PTGFRN: variants seen among roughly 807,000 people sequenced by gnomAD.
PTGFRN encodes prostaglandin F2 receptor negative regulator.
In PTGFRN, 35 loss-of-function variants were observed where a neutral mutation model predicts 83.2. The observed-to-expected ratio is 0.42, with a 90% confidence interval of 0.32 to 0.56. PTGFRN has a LOEUF of 0.56. Ranked by LOEUF, PTGFRN falls within the 20% of genes least tolerant of loss-of-function variation. The pLI is 0.11. For missense variants in PTGFRN, 1,051 were observed against 1,179.5 expected (o/e 0.89, Z 1.60); for synonymous variants, 519 against 498.6 (o/e 1.04, Z -0.55).
chr1:116,921,688 T>C (rs1334022007), intron 1 of PTGFRN, among the ~76,000 whole-genome samples: 2 of 152,150 alleles, frequency 1.3e-5, no homozygotes, highest in Non-Finnish European at 2.9e-5. Flanking sequence ...GTTTCTGACA[T>C]TGTGCAAGAT....
intron 4 of PTGFRN, among the ~76,000 whole-genome samples, chr1:116,955,437 T>C (rs1650462582): frequency 6.6e-6 from 1 of 152,150 alleles, no homozygotes; most frequent in African/African-American, 2.4e-5. Flanking sequence ...TTATTTTATC[T>C]CTCTTCCCTA....
chr1:116,968,590 T>G (rs1440249771), intron 6 of PTGFRN, among the ~76,000 whole-genome samples: 2 of 152,148 alleles, frequency 1.3e-5, no homozygotes, highest in African/African-American at 4.8e-5. Context: ...ATATAGAGTG[T>G]ACAATTTAGT....
intron 7 of PTGFRN, among the ~76,000 whole-genome samples, chr1:116,977,691 A>G (rs1161100396): frequency 1.3e-5 from 2 of 152,216 alleles, no homozygotes; most frequent in East Asian, 3.8e-4. Flanking sequence ...AAGACACAAC[A>G]TACCAGAATC....
At chr1:116,950,702 GAC>G (rs1650321570) in intron 4 of PTGFRN, among the ~76,000 whole-genome samples, 1 of 152,080 alleles carries the variant, frequency 6.6e-6, no homozygotes, top group Non-Finnish European at 1.5e-5. Context: ...GGCCAGTGGA[GAC>G]AGAGGGGGCA....
At chr1:116,934,486 C>G (rs2767343) in intron 1 of PTGFRN, among the ~76,000 whole-genome samples, 17,285 of 152,080 alleles carry the variant, frequency 0.11, 1,414 homozygotes, top group African/African-American at 0.23. Context: ...GCTGCCAAAC[C>G]TATTTATTGA....
At position 116,934,154 on chromosome 1, in the gene PTGFRN, G is replaced by GT. The variant is rs1263632416; in HGVS notation, c.50-7552dup. Among the ~76,000 whole-genome samples, 63 of 150,544 alleles carry GT rather than the reference G, an allele frequency of 4.2e-4. 1 individual carries two copies. The Middle Eastern group carries it at 0.01, about 25-fold the overall frequency. ...TTTGTTTTGTTTTTGTGATTGTTTT[G>GT]TTTTTTTTTGAGACAGGGTCTTACT... On this transcript the variant is annotated intron_variant, in intron 1 of 8. Transcript: ENST00000393203.
chr1:116,910,479 C>T (rs1345930678), intron 1 of PTGFRN, among the ~76,000 whole-genome samples: 1 of 151,518 alleles, frequency 6.6e-6, no homozygotes, highest in African/African-American at 2.4e-5. Flanking sequence ...TGCAAGTGGC[C>T]GCTCCGCCAG....
intron 1 of PTGFRN, among the ~76,000 whole-genome samples, chr1:116,925,507 G>A (rs1649637092): frequency 1.3e-5 from 2 of 152,120 alleles, no homozygotes; most frequent in African/African-American, 4.8e-5. Flanking sequence ...TTTGCAGCTA[G>A]TGTGGAGGGT....
chr1:116,989,740 CTGTTGAGA>C lies in PTGFRN; in HGVS notation c.*2778_*2785del, dbSNP rs1170676265. On this transcript the variant is annotated 3_prime_UTR_variant, in exon 9 of 9. Coordinates refer to ENST00000393203, the MANE Select transcript of PTGFRN (RefSeq NM_020440.4). ...AAAATGCAAATCGACTTTTTAACAA[CTGTTGAGA>C]TGTTTCATGGGACAGTAGAACTCTG... is the stretch of plus-strand genomic sequence containing the variant. 6.6e-6 allele frequency: 1 copy of C among 152,600 alleles called. No homozygotes were observed. Among genetic ancestry groups the C allele is most frequent in the African/African-American group, 2.4e-5 (1 of 41,438 alleles). 9.5% of individuals were successfully genotyped at this position (152,600 alleles called of 1,614,324 possible). A position where few individuals can be genotyped will look rare whatever the true frequency, so the allele number is the denominator to read the frequency against.
chr1:116,910,358 G>A (rs1315375747), intron 1 of PTGFRN, 106 bp downstream of exon 1: 6 of 1,046,262 alleles, frequency 5.7e-6, no homozygotes, highest in Non-Finnish European at 7.2e-6. Flanking sequence ...AGGGTGCCCG[G>A]GCTGCTCCCG....
At chr1:116,924,329 T>G (rs1649604751) in intron 1 of PTGFRN, among the ~76,000 whole-genome samples, 1 of 151,662 alleles carries the variant, frequency 6.6e-6, no homozygotes, top group South Asian at 2.1e-4. Context: ...GTATTTCTAG[T>G]AGAGATGGGG....
chr1:116,947,572 A>G (rs1051370427), intron 3 of PTGFRN, among the ~76,000 whole-genome samples: 2 of 152,262 alleles, frequency 1.3e-5, no homozygotes, highest in African/African-American at 2.4e-5. Flanking sequence ...ATCCCTGCCA[A>G]TATTTTCTGA....
At chr1:116,954,323 T>A in intron 4 of PTGFRN, among the ~76,000 whole-genome samples, 1 of 152,060 alleles carries the variant, frequency 6.6e-6, no homozygotes, top group Non-Finnish European at 1.5e-5. Flanking sequence ...AGCTCCTTAT[T>A]TGTAGCCTTC....
At chr1:116,932,862 A>AC (rs1557960900) in intron 1 of PTGFRN, among the ~76,000 whole-genome samples, 1 of 152,228 alleles carries the variant, frequency 6.6e-6, no homozygotes, top group Non-Finnish European at 1.5e-5. Context: ...CTTATGCTGC[A>AC]CTATCAAGTT....
intron 4 of PTGFRN, among the ~76,000 whole-genome samples, chr1:116,955,082 T>A (rs1361078827): frequency 6.6e-6 from 1 of 152,194 alleles, no homozygotes; most frequent in East Asian, 1.9e-4. Flanking sequence ...AATTAGCCAG[T>A]GATTCTGAAG....
intron 7 of PTGFRN, 77 bp from the exon 8 acceptor site, chr1:116,984,603 C>T (rs949020418): frequency 7.0e-7 from 1 of 1,427,830 alleles, no homozygotes; most frequent in East Asian, 2.3e-5. Flanking sequence ...TAGTAAGGGC[C>T]TCATACATGG....
intron 6 of PTGFRN, among the ~76,000 whole-genome samples, chr1:116,970,566 A>G (rs1199157265): frequency 1.3e-5 from 2 of 152,186 alleles, no homozygotes; most frequent in African/African-American, 4.8e-5. Flanking sequence ...TGTTGAGTCT[A>G]TTCCTCAGTT....
intron 7 of PTGFRN, among the ~76,000 whole-genome samples, chr1:116,974,900 C>T (rs1383504847): frequency 2.0e-5 from 3 of 152,124 alleles, no homozygotes; most frequent in South Asian, 2.1e-4. Context: ...TACAGCCCAC[C>T]GAGCGTGAGC....
chr1:116,974,273 T>A lies in PTGFRN; in HGVS notation c.2117T>A (p.Leu706Gln). Residue 706 changes from leucine (L) to glutamine (Q), a missense_variant, in exon 7 of 9, where the codon CTG becomes CAG. Leu to Gln is a moderately radical substitution (Grantham distance 113). Transcript: ENST00000393203. ...SDTPSVIRGD[L>Q]IKLFCIITVE... ...ACACCATCAGTAATTCGGGGAGATC[T>A]GATCAAATTGTTCTGTATCATCACT... 6.2e-7 allele frequency: 1 copy of A among 1,613,722 alleles called. No homozygotes were observed. The highest frequency in any genetic ancestry group is 8.5e-7 in the Non-Finnish European group (1 of 1,179,582).
Sources: allele counts gnomAD v4.1 joint callset (sites outside exome capture counted in the v4.1 genomes callset), GRCh38; gene constraint gnomAD v4.1.1; transcripts MANE v1.5; gene names NCBI Gene and HGNC (gene_info 2026-07-23, HGNC 2026-07-21).